Variants in SGK1 observed in about 807,000 individuals in gnomAD.
SGK1 encodes the protein serum/glucocorticoid regulated kinase 1.
SGK1 carries 26 observed loss-of-function variants against 64.2 expected under a neutral mutation model. That is an observed-to-expected ratio of 0.40 (90% CI 0.30 to 0.56). SGK1 has a LOEUF of 0.56. SGK1 is among the 20% of genes least tolerant of loss of function. The pLI, the probability that SGK1 is intolerant of heterozygous loss-of-function variation, is 0.38. For synonymous variants in SGK1, 265 were observed against 239.7 expected, an observed-to-expected ratio of 1.11 and a Z score of -0.98; for missense variants, 519 against 645.6, an observed-to-expected ratio of 0.80 and a Z score of 2.12.
At chr6:134,214,996 G>T in intron 2 of SGK1, 1 of 442,380 alleles carries the variant, frequency 2.3e-6, no homozygotes, top group Non-Finnish European at 4.5e-6. Context: ...ACATCTAGAA[G>T]TATTGTCATA....
intron 2 of SGK1, among the ~76,000 whole-genome samples, chr6:134,253,293 CT>C (rs71003685): frequency 1.0e-3 from 150 of 144,318 alleles, no homozygotes; most frequent in Middle Eastern, 3.6e-3. Flanking sequence ...TTTTGTTTTT[CT>C]TTTTTTTTTT....
rs573419964 is a variant in SGK1, at chr6:134,268,916, C to T, written c.70-6768G>A. Among the ~76,000 whole-genome samples the T allele has an allele frequency of 2.6e-4, 37 of 140,514 alleles. 4 individuals are homozygous for T. The highest frequency in any genetic ancestry group is 6.1e-4 in the Admixed American group (8 of 13,192). 92.2% of individuals were successfully genotyped at this position (140,514 alleles called of 152,430 possible). On this transcript the variant is annotated intron_variant, in intron 1 of 13. Coordinates refer to ENST00000367858, the MANE Select transcript of SGK1 (RefSeq NM_001143676.3). The stretch of plus-strand genomic sequence containing the variant: ...AACCAAATTCTTTGCTAAATCCAGT[C>T]CACCTTGGTTTTATTAATGTCTTTA...
chr6:134,246,782 A>G (rs866321594), intron 2 of SGK1, among the ~76,000 whole-genome samples: 47 of 151,090 alleles, frequency 3.1e-4, no homozygotes, highest in African/African-American at 9.5e-4. Flanking sequence ...TAGTAGAGAC[A>G]GGGTTTCGCC....
At chr6:134,262,614 G>A (rs4053054) in intron 1 of SGK1, among the ~76,000 whole-genome samples, 1 of 151,522 alleles carries the variant, frequency 6.6e-6, no homozygotes, top group African/African-American at 2.4e-5. Flanking sequence ...TGGGAGAATC[G>A]CTTGAACCTG....
intron 2 of SGK1, chr6:134,259,784 T>C (rs1312112225): frequency 2.0e-5 from 3 of 152,202 alleles, no homozygotes; most frequent in African/African-American, 7.2e-5. Context: ...GAGCGATAAA[T>C]AGATGCTCTT....
At chr6:134,228,891 G>T (rs1286005074) in intron 2 of SGK1, among the ~76,000 whole-genome samples, 14 of 147,674 alleles carry the variant, frequency 9.5e-5, no homozygotes, top group Admixed American at 7.5e-4. Flanking sequence ...TCACCCAGGT[G>T]GGACTGCAGT....
chr6:134,182,948 A>G (rs964893683), intron 3 of SGK1, among the ~76,000 whole-genome samples: 22 of 152,352 alleles, frequency 1.4e-4, no homozygotes, highest in Admixed American at 9.1e-4. Flanking sequence ...AACTCAAGAA[A>G]GTTTTTACTT....
chr6:134,284,317 C>T (rs894371516), intron 1 of SGK1, among the ~76,000 whole-genome samples: 2 of 151,936 alleles, frequency 1.3e-5, no homozygotes, highest in African/African-American at 2.4e-5. Context: ...GTCTCGAACA[C>T]CAGACCTCAA....
At chr6:134,272,307 ATT>A (rs527544494) in intron 1 of SGK1, among the ~76,000 whole-genome samples, 2,147 of 119,416 alleles carry the variant, frequency 0.018, 81 homozygotes, top group African/African-American at 0.032. Context: ...TGACCAGCTA[ATT>A]TTTTTTTTTT....
intron 2 of SGK1, among the ~76,000 whole-genome samples, chr6:134,249,201 T>C (rs984393749): frequency 6.6e-6 from 1 of 152,236 alleles, no homozygotes; most frequent in East Asian, 1.9e-4. Context: ...ATCTCTGGAA[T>C]TCAACTCTCT....
chr6:134,309,919 A>C (rs1777586367), intron 1 of SGK1, among the ~76,000 whole-genome samples: 1 of 152,230 alleles, frequency 6.6e-6, no homozygotes, highest in African/African-American at 2.4e-5. Flanking sequence ...ACACTTTAAA[A>C]ATATGCTTCT....
intron 1 of SGK1, among the ~76,000 whole-genome samples, chr6:134,290,181 A>G (rs940886868): frequency 6.8e-6 from 1 of 147,232 alleles, no homozygotes; most frequent in African/African-American, 2.5e-5. Context: ...AAAATTAGCT[A>G]TGCATGTTGG....
chr6:134,301,526 C>CTCTTT (rs1193481902), intron 1 of SGK1, among the ~76,000 whole-genome samples: 16 of 106,720 alleles, frequency 1.5e-4, no homozygotes, highest in African/African-American at 5.4e-4. Flanking sequence ...CTTCTCTTTT[C>CTCTTT]TCTTTTCTTC....
chr6:134,305,731 C>T (rs929149957), intron 1 of SGK1, among the ~76,000 whole-genome samples: 5 of 152,048 alleles, frequency 3.3e-5, no homozygotes, highest in African/African-American at 1.2e-4. Flanking sequence ...ACTGCAGCCT[C>T]CACCTCCTGG....
chr6:134,238,516 G>A (rs1296789711), intron 2 of SGK1, among the ~76,000 whole-genome samples: 1 of 151,962 alleles, frequency 6.6e-6, no homozygotes, highest in African/African-American at 2.4e-5. Flanking sequence ...CTAATGAACT[G>A]ACATAAAACT....
chr6:134,281,314 A>C (rs1777090963), intron 1 of SGK1, among the ~76,000 whole-genome samples: 1 of 152,164 alleles, frequency 6.6e-6, no homozygotes. Context: ...TTGAGCAACT[A>C]ATTTAATCTC....
At chr6:134,203,979 G>C (rs530628901) in intron 3 of SGK1, among the ~76,000 whole-genome samples, 4 of 151,646 alleles carry the variant, frequency 2.6e-5, no homozygotes, top group Non-Finnish European at 5.9e-5. Context: ...CAGGAGAATT[G>C]CTTGAACCCA....
intron 3 of SGK1, among the ~76,000 whole-genome samples, chr6:134,187,237 A>T (rs1020114201): frequency 2.0e-4 from 30 of 152,154 alleles, no homozygotes; most frequent in African/African-American, 7.2e-4. Flanking sequence ...AGGCATGAGG[A>T]TCCCAAAGTG....
At chr6:134,260,912 A>G (rs1461799422) in intron 2 of SGK1, 1 of 152,214 alleles carries the variant, frequency 6.6e-6, no homozygotes, top group African/African-American at 2.4e-5. Flanking sequence ...TGTACTTTGT[A>G]ATAACATGTT....
Sources: gnomAD v4.1 joint callset for allele counts (sites outside exome capture counted in the v4.1 genomes callset) on GRCh38, gnomAD v4.1.1 for gene constraint, MANE v1.5 for transcripts, NCBI Gene and HGNC (gene_info 2026-07-23, HGNC 2026-07-21) for gene names.